SLC5A11: variants seen among roughly 807,000 people sequenced by gnomAD.
SLC5A11 encodes the protein sodium/myo-inositol cotransporter 2.
A neutral mutation model predicts 69.8 loss-of-function variants in SLC5A11; 48 were observed. The ratio of observed to expected loss-of-function variants is 0.69; its 90% CI spans 0.55 to 0.87. SLC5A11 has a LOEUF of 0.87. SLC5A11 is among the 40% of genes least tolerant of loss of function. The probability of loss-of-function intolerance (pLI) is 0.00; values close to 1 mark genes in which losing one functional copy is unlikely to be tolerated. For synonymous variants in SLC5A11, 319 were observed against 342.4 expected (o/e 0.93, Z 0.75); for missense variants, 784 against 866.1 (o/e 0.91, Z 1.19).
At chr16:24,849,625 C>A (rs1246217242) in intron 1 of SLC5A11, among the ~76,000 whole-genome samples, 5 of 87,676 alleles carry the variant, frequency 5.7e-5, no homozygotes, top group Non-Finnish European at 1.1e-4. Context: ...TATATATATC[C>A]ATGAGAGATG....
At chr16:24,889,469 G>A (rs2048623557) in intron 8 of SLC5A11, among the ~76,000 whole-genome samples, 1 of 151,138 alleles carries the variant, frequency 6.6e-6, no homozygotes. Context: ...GTGACAGAGT[G>A]AGACCCTGTC....
At chr16:24,900,443 C>A (rs2049497337) in intron 10 of SLC5A11, among the ~76,000 whole-genome samples, 1 of 152,142 alleles carries the variant, frequency 6.6e-6, no homozygotes, top group Non-Finnish European at 1.5e-5. Context: ...AGACCTTGAA[C>A]CCTTGTGTTC....
At chr16:24,891,226 C>T (rs933647032) in intron 9 of SLC5A11, 152 bp downstream of exon 10, 12 of 698,310 alleles carry the variant, frequency 1.7e-5, no homozygotes, top group Admixed American at 1.2e-4. Flanking sequence ...GCTCTACATG[C>T]TATTTTATTT....
exon 9 of SLC5A11, chr16:24,890,996 G>T (rs201711094): frequency 1.4e-5 from 23 of 1,614,184 alleles, no homozygotes; most frequent in East Asian, 1.3e-4. Flanking sequence ...TCCGAGATCC[G>T]CTGACATCTG....
chr16:24,904,266 C>A (rs979522628), intron 10 of SLC5A11, among the ~76,000 whole-genome samples: 3 of 152,128 alleles, frequency 2.0e-5, no homozygotes, highest in African/African-American at 7.2e-5. Flanking sequence ...AGGATATATG[C>A]CCAGTAGCAA....
At chr16:24,851,209 C>T (rs1052575155) in intron 1 of SLC5A11, among the ~76,000 whole-genome samples, 1 of 151,962 alleles carries the variant, frequency 6.6e-6, no homozygotes, top group Admixed American at 6.6e-5. Context: ...TAGCTCAATG[C>T]AGTCTCAAAC....
intron 8 of SLC5A11, 118 bp from the exon 10 acceptor site, chr16:24,890,751 G>C: frequency 1.1e-6 from 1 of 906,776 alleles, no homozygotes; most frequent in Admixed American, 1.8e-5. Context: ...CCCTTAAGGG[G>C]ATTAACATTT....
chr16:24,862,634 G>A, exon 3 of SLC5A11: 2 of 1,613,600 alleles, frequency 1.2e-6, no homozygotes, highest in African/African-American at 2.7e-5. Context: ...CACAGTGAAA[G>A]GCTACTTCCT....
chr16:24,869,852 G>A (rs2047158149), intron 3 of SLC5A11, 49 bp from the exon 5 acceptor site: 1 of 1,362,410 alleles, frequency 7.3e-7, no homozygotes, highest in Non-Finnish European at 1.0e-6. Context: ...GTGGGGAGCA[G>A]GTACCCTTGA....
chr16:24,884,203 C>T, intron 8 of SLC5A11, 72 bp downstream of exon 9: 1 of 1,441,654 alleles, frequency 6.9e-7, no homozygotes. Context: ...GCTCTCCACA[C>T]TGTGAACGGC....
At chr16:24,866,447 A>G (rs1166679288) in intron 3 of SLC5A11, among the ~76,000 whole-genome samples, 2 of 151,808 alleles carry the variant, frequency 1.3e-5, no homozygotes, top group East Asian at 3.9e-4. Context: ...AAAAATGCAC[A>G]TGTGCCTGTA....
intron 9 of SLC5A11, among the ~76,000 whole-genome samples, chr16:24,893,461 A>G (rs1298378614): frequency 6.6e-6 from 1 of 151,994 alleles, no homozygotes; most frequent in African/African-American, 2.4e-5. Flanking sequence ...AGCCAGAGAC[A>G]ATTTCACCTG....
intron 1 of SLC5A11, among the ~76,000 whole-genome samples, chr16:24,857,370 T>G (rs2059580985): frequency 6.6e-6 from 1 of 152,226 alleles, no homozygotes; most frequent in African/African-American, 2.4e-5. Context: ...CTTGGAAATT[T>G]TATTAGTTTC....
intron 1 of SLC5A11, among the ~76,000 whole-genome samples, chr16:24,856,076 A>C (rs1410020673): frequency 6.6e-6 from 1 of 152,184 alleles, no homozygotes; most frequent in Admixed American, 6.5e-5. Context: ...ACATGTGTGC[A>C]CTGGAGGTGT....
At chr16:24,910,272 A>C (rs776826777) in intron 14 of SLC5A11, 34 bp from the exon 16 acceptor site, 4 of 1,604,572 alleles carry the variant, frequency 2.5e-6, no homozygotes, top group Admixed American at 1.7e-5. Flanking sequence ...CCCCACCTCC[A>C]CCACAAATCT....
chr16:24,854,970 T>C (rs998260515), intron 1 of SLC5A11, among the ~76,000 whole-genome samples: 2 of 151,948 alleles, frequency 1.3e-5, no homozygotes, highest in African/African-American at 2.4e-5. Flanking sequence ...TGTGTGTGTG[T>C]GTGTTTGTTT....
chr16:24,877,398 C>A, intron 7 of SLC5A11, 35 bp downstream of exon 8: 1 of 1,548,152 alleles, frequency 6.5e-7, no homozygotes, highest in Non-Finnish European at 8.9e-7. Flanking sequence ...CTAGCAGAGG[C>A]AGTGGGCAGG....
exon 13 of SLC5A11, chr16:24,908,004 T>A: frequency 6.2e-7 from 1 of 1,614,040 alleles, no homozygotes; most frequent in Non-Finnish European, 8.5e-7. Flanking sequence ...ATCCTCTGGA[T>A]CCCTGTGGTC....
chr16:24,856,522 G>A (rs2059536270), intron 1 of SLC5A11, among the ~76,000 whole-genome samples: 1 of 150,390 alleles, frequency 6.6e-6, no homozygotes, highest in Non-Finnish European at 1.5e-5. Context: ...GGGAGGCCGA[G>A]GTGGGTGGAT....
Sources: gnomAD v4.1 joint callset for allele counts (sites outside exome capture counted in the v4.1 genomes callset) on GRCh38, gnomAD v4.1.1 for gene constraint, MANE v1.5 for transcripts, NCBI Gene and HGNC (gene_info 2026-07-23, HGNC 2026-07-21) for gene names.